The following THPO variants were observed in gnomAD, a reference collection of about 807,000 sequenced individuals.
THPO encodes MPL ligand.
Under a neutral mutation model 17.0 loss-of-function variants are expected in THPO, and 12 were observed. The observed-to-expected ratio is 0.71, with a 90% CI of 0.45 to 1.14. The LOEUF is 1.14. Ranked by LOEUF, THPO falls within the 50% of genes most tolerant of loss-of-function variation. The probability of loss-of-function intolerance (pLI) is 0.00; values close to 1 mark genes in which losing one functional copy is unlikely to be tolerated. For synonymous variants in THPO, 188 were observed against 183.0 expected (o/e 1.03, Z -0.22); for missense variants, 365 against 427.5 (o/e 0.85, Z 1.29).
At chr3:184,373,256 G>A (rs754762396) in intron 5 of THPO, 78 bp from the exon 6 acceptor site, 2 of 1,588,568 alleles carry the variant, frequency 1.3e-6, no homozygotes, top group Non-Finnish European at 1.7e-6. Context: ...GGAAAGACAG[G>A]ATGCCAGTAC....
rs778078910 is a variant in THPO at position 184,372,033 on chromosome 3, C to T, written c.*480G>A. On this transcript the variant is annotated 3_prime_UTR_variant, in exon 6 of 6. Coordinates refer to ENST00000647395, the MANE Select transcript of THPO (RefSeq NM_000460.4). Reference sequence around the variant, plus strand: ...CAGCATTTCTGAGAGAAAGCTTATTCATTTCTCAAGAGTAAAGATCTGTTA... The same window carrying T: ...CAGCATTTCTGAGAGAAAGCTTATTTATTTCTCAAGAGTAAAGATCTGTTA... 10 of 169,614 alleles carry T rather than the reference C, an allele frequency of 5.9e-5. No individual in the cohort carries two copies. Among genetic ancestry groups the T allele is most frequent in the African/African-American group, 2.4e-5 (1 of 42,006 alleles). 10.5% of individuals were successfully genotyped at this position (169,614 alleles called of 1,614,324 possible).
At chr3:184,375,839 G>A in intron 3 of THPO, 49 bp downstream of exon 3, 1 of 1,611,348 alleles carries the variant, frequency 6.2e-7, no homozygotes, top group Non-Finnish European at 8.5e-7. Context: ...GGGAGTATGG[G>A]TGTCTTACCA....
rs62287511 is a variant in THPO, at chr3:184,372,602, G to A, written c.973C>T (p.Pro325Ser). 145 of 1,613,976 alleles carry A rather than the reference G, an allele frequency of 9.0e-5. No individual in the cohort carries two copies. The highest frequency in any genetic ancestry group is 5.0e-4 in the Middle Eastern group (3 of 6,058). Residue 325 changes from proline to serine, a missense_variant, in exon 6 of 6, where the codon CCT (proline) becomes TCT (serine). By Grantham distance (74) the Pro-to-Ser change is moderately conservative (BLOSUM62 -1). Coordinates refer to ENST00000647395, the MANE Select transcript of THPO (RefSeq NM_000460.4). ...TPVVQLHPLL[P>S]DPSAPTPTPT... Reference sequence around the variant, plus strand: ...GTGGGCGTTGGAGCAGAAGGGTCAGGAAGCAGGGGGTGGAGCTGGACCACA... The same window carrying A: ...GTGGGCGTTGGAGCAGAAGGGTCAGAAAGCAGGGGGTGGAGCTGGACCACA...
chr3:184,377,696 A>G (rs1714536690), intron 1 of THPO, among the ~76,000 whole-genome samples: 1 of 152,120 alleles, frequency 6.6e-6, no homozygotes, highest in African/African-American at 2.4e-5. Flanking sequence ...CCCCAGCACC[A>G]GATTCAGAAC....
intron 4 of THPO, among the ~76,000 whole-genome samples, chr3:184,374,790 AT>A (rs921960530): frequency 1.5e-4 from 23 of 151,582 alleles, no homozygotes; most frequent in African/African-American, 2.7e-4. Flanking sequence ...CACATGTAGA[AT>A]TTTTTTTTCT....
intron 1 of THPO, among the ~76,000 whole-genome samples, chr3:184,377,172 G>C (rs757138203): frequency 6.6e-6 from 1 of 151,960 alleles, no homozygotes; most frequent in Admixed American, 6.6e-5. Context: ...TAACTTCTGC[G>C]GTGGGGAGTG....
chr3:184,377,881 T>A (rs1418877943), intron 1 of THPO, among the ~76,000 whole-genome samples, 194 bp downstream of exon 1: 1 of 152,038 alleles, frequency 6.6e-6, no homozygotes, highest in Non-Finnish European at 1.5e-5. Flanking sequence ...AAGTGATCAG[T>A]CCCTCAGAAA....
chr3:184,375,016 G>T (rs1165445950), intron 4 of THPO, among the ~76,000 whole-genome samples: 1 of 152,216 alleles, frequency 6.6e-6, no homozygotes, highest in Non-Finnish European at 1.5e-5. Flanking sequence ...TCAAACTCCT[G>T]CCCTCAGGTG....
chr3:184,378,159 G>A lies in THPO; in HGVS notation c.-230C>T, dbSNP rs1714580715. The A allele has an allele frequency of 3.0e-6, 3 of 985,454 alleles. No homozygotes were observed. The highest frequency in any genetic ancestry group is 3.6e-6 in the Non-Finnish European group (3 of 830,028). 61.0% of individuals were successfully genotyped at this position (985,454 alleles called of 1,614,324 possible). ...GGGTAGGAAGACATGTGGCGGTGGGGCACAGCCCCTCCACAGCAGCAGGTC... is the reference window on the plus strand; with the variant it reads ...GGGTAGGAAGACATGTGGCGGTGGGACACAGCCCCTCCACAGCAGCAGGTC... On this transcript the variant is annotated 5_prime_UTR_variant, in exon 1 of 6. Coordinates refer to ENST00000647395, the MANE Select transcript of THPO (RefSeq NM_000460.4).
At position 184,372,763 on chromosome 3, in the gene THPO, GCT is replaced by G; in HGVS notation, c.810_811del (p.Ala271ProfsTer55). 6.2e-7 allele frequency: 1 copy of G among 1,613,984 alleles called. No individual in the cohort carries two copies. The highest frequency in any genetic ancestry group is 8.5e-7 in the Non-Finnish European group (1 of 1,179,948). ...TGATGTTCCTGAGGAAATGTCCGGG[GCT>G]CCTAGGGTCCTGCGTGAGGGTCCAG... On this transcript the variant is annotated frameshift_variant, in exon 6 of 6. Transcript: ENST00000647395. LOFTEE classifies it low-confidence loss of function (END_TRUNC).
upstream of THPO, among the ~76,000 whole-genome samples, chr3:184,379,428 AG>A (rs1305077968): frequency 6.6e-6 from 1 of 152,048 alleles, no homozygotes; most frequent in Non-Finnish European, 1.5e-5. Flanking sequence ...ACTCCACAGA[AG>A]GGGGAATGCT....
intron 3 of THPO, 21 bp from the exon 4 acceptor site, chr3:184,375,622 G>C: frequency 6.2e-7 from 1 of 1,612,734 alleles, no homozygotes; most frequent in Non-Finnish European, 8.5e-7. Context: ...AGATTGGTGG[G>C]GGGAGAAGGG....
upstream of THPO, among the ~76,000 whole-genome samples, chr3:184,379,295 A>T (rs971939479): frequency 6.6e-6 from 1 of 151,704 alleles, no homozygotes; most frequent in African/African-American, 2.4e-5. Flanking sequence ...GAACCAAGAG[A>T]AAGGAGGCTG....
chr3:184,375,421 T>C, intron 4 of THPO, 94 bp downstream of exon 4: 4 of 1,360,308 alleles, frequency 2.9e-6, no homozygotes, highest in Non-Finnish European at 4.2e-6. Flanking sequence ...TGAGATATTT[T>C]TAAAAAGCTC....
chr3:184,372,750 G>A lies in THPO; in HGVS notation c.825C>T (p.Ser275=). ...SRRTLGAPDI[S]SGTSDTGSLP... is the part of the protein sequence containing the mutation. Reference sequence around the variant, plus strand: ...GGGAGCCTGTGTCTGATGTTCCTGAGGAAATGTCCGGGGCTCCTAGGGTCC... The same window carrying A: ...GGGAGCCTGTGTCTGATGTTCCTGAAGAAATGTCCGGGGCTCCTAGGGTCC... Residue 275 remains serine, a synonymous_variant, in exon 6 of 6, where the codon TCC becomes TCT. Transcript: ENST00000647395. 6.2e-7 allele frequency: 1 copy of A among 1,613,828 alleles called. No homozygotes were observed. Among genetic ancestry groups the A allele is most frequent in the East Asian group, 2.2e-5 (1 of 44,834 alleles).
chr3:184,378,266 C>A (rs1334254229), upstream of THPO: 1 of 985,438 alleles, frequency 1.0e-6, no homozygotes, highest in Non-Finnish European at 1.2e-6. Context: ...GTGACGCCTT[C>A]TCTTCCCTGG....
rs1009796270 is a variant in THPO, at chr3:184,375,724, A to G, written c.142-123T>C. The G allele has an allele frequency of 4.8e-6, 7 of 1,454,108 alleles. No homozygotes were observed. The Admixed American group carries it at 6.9e-5, about 14-fold the overall frequency. The allele number at this position is 1,454,108 out of a possible 1,614,324, so 90.1% of individuals were successfully genotyped here. A position where few individuals can be genotyped will look rare whatever the true frequency, so the allele number is the denominator to read the frequency against. On this transcript the variant is annotated intron_variant, in intron 3 of 5. Coordinates refer to ENST00000647395, the MANE Select transcript of THPO (RefSeq NM_000460.4). ...ACGAGAGCTTTTAAATGCGGGCTGT[A>G]TTGTGAAGAATAATCCTTGTCAGAG...
intron 4 of THPO, 43 bp downstream of exon 4, chr3:184,375,472 A>G (rs1432898030): frequency 1.3e-6 from 2 of 1,584,744 alleles, no homozygotes; most frequent in East Asian, 2.2e-5. Context: ...GGGAAACTGA[A>G]GACAGGACTT....
At chr3:184,375,854 C>G in intron 3 of THPO, 34 bp downstream of exon 3, 3 of 1,611,896 alleles carry the variant, frequency 1.9e-6, no homozygotes, top group Non-Finnish European at 2.5e-6. Flanking sequence ...TTACCAGTTA[C>G]GCGGATAAAG....
Sources: allele counts gnomAD v4.1 joint callset (sites outside exome capture counted in the v4.1 genomes callset), GRCh38; gene constraint gnomAD v4.1.1; transcripts MANE v1.5; gene names NCBI Gene and HGNC (gene_info 2026-07-23, HGNC 2026-07-21).